ACYP2: variants seen among roughly 807,000 people sequenced by gnomAD.
ACYP2 encodes acylphosphatase-2.
In ACYP2, 12 loss-of-function variants were observed where a neutral mutation model predicts 11.2. The observed-to-expected ratio is 1.08, with a 90% confidence interval of 0.69 to 1.74. The LOEUF (loss-of-function observed/expected upper bound fraction) is 1.74, where lower values mean the gene tolerates loss of function less well. Ranked by LOEUF, ACYP2 falls within the 40% of genes most tolerant of loss-of-function variation. The pLI, the probability that ACYP2 is intolerant of heterozygous loss-of-function variation, is 0.00. For synonymous variants in ACYP2, 43 were observed against 32.2 expected (o/e 1.33, Z -1.13); for missense variants, 134 against 101.9 (o/e 1.31, Z -1.35).
At chr2:54,198,361 G>C (rs1684605950) in intron 6 of ACYP2, among the ~76,000 whole-genome samples, 1 of 152,088 alleles carries the variant, frequency 6.6e-6, no homozygotes, top group Non-Finnish European at 1.5e-5. Context: ...GTGGAGAAAG[G>C]AGTGTGGCAG....
rs921978682 is a variant in ACYP2 at position 53,971,119 on chromosome 2, G to C, written c.-239G>C. 3.8e-5 allele frequency: 9 copies of C among 234,972 alleles called. No individual in the cohort carries two copies. In the Admixed American group the frequency reaches 4.6e-4, roughly 12 times the overall value. 14.6% of individuals were successfully genotyped at this position (234,972 alleles called of 1,614,324 possible). ...CGGCGTCGGGGGAGGCGGTGGTGGCGGCAGCTGGAGCCCAACGGGCTGCGC... is the reference window on the plus strand; with the variant it reads ...CGGCGTCGGGGGAGGCGGTGGTGGCCGCAGCTGGAGCCCAACGGGCTGCGC... On this transcript the variant is annotated 5_prime_UTR_variant, in exon 1 of 7. Transcript: ENST00000607452.
intron 6 of ACYP2, among the ~76,000 whole-genome samples, chr2:54,177,404 G>T (rs1415035421): frequency 6.6e-6 from 1 of 152,044 alleles, no homozygotes; most frequent in African/African-American, 2.4e-5. Context: ...ACTTCCTCTG[G>T]CCCTTTCATG....
At chr2:54,229,433 A>G (rs1558628654) in intron 6 of ACYP2, among the ~76,000 whole-genome samples, 2 of 152,198 alleles carry the variant, frequency 1.3e-5, no homozygotes. Flanking sequence ...ATAATTTGAT[A>G]TGAAATTATT....
intron 2 of ACYP2, among the ~76,000 whole-genome samples, chr2:53,997,149 T>C (rs1324292943): frequency 5.3e-5 from 8 of 152,216 alleles, no homozygotes; most frequent in Non-Finnish European, 1.0e-4. Flanking sequence ...TTCTCTCTTC[T>C]ATCTACCTAT....
intron 6 of ACYP2, chr2:54,141,864 G>T (rs1176530490): frequency 7.9e-6 from 5 of 631,460 alleles, no homozygotes; most frequent in Non-Finnish European, 1.5e-5. Flanking sequence ...TGAGACAAGG[G>T]TCTTGCTCTC....
chr2:54,220,994 G>T (rs948431078), intron 6 of ACYP2, among the ~76,000 whole-genome samples: 1 of 152,190 alleles, frequency 6.6e-6, no homozygotes, highest in Non-Finnish European at 1.5e-5. Flanking sequence ...CATAGGATTT[G>T]CTTTGGTCAG....
intron 2 of ACYP2, among the ~76,000 whole-genome samples, chr2:54,026,884 A>C (rs1374239189): frequency 6.6e-6 from 1 of 151,632 alleles, no homozygotes; most frequent in South Asian, 2.1e-4. Flanking sequence ...AGAATGATAC[A>C]ATGGACTTTA....
At chr2:54,010,075 G>A (rs979907902) in intron 2 of ACYP2, among the ~76,000 whole-genome samples, 3 of 152,140 alleles carry the variant, frequency 2.0e-5, no homozygotes, top group Non-Finnish European at 2.9e-5. Flanking sequence ...AGAGGTTATG[G>A]GTAGGAATGG....
At chr2:54,209,563 C>G (rs1468300291) in intron 6 of ACYP2, among the ~76,000 whole-genome samples, 2 of 152,126 alleles carry the variant, frequency 1.3e-5, no homozygotes, top group Non-Finnish European at 1.5e-5. Context: ...AGAAAATGAC[C>G]TGGAATGGTT....
chr2:53,983,044 A>T (rs1198163423), intron 2 of ACYP2, among the ~76,000 whole-genome samples: 2 of 152,154 alleles, frequency 1.3e-5, no homozygotes, highest in Admixed American at 6.6e-5. Flanking sequence ...CTCACTTCAC[A>T]GGTACTTAGT....
intron 2 of ACYP2, among the ~76,000 whole-genome samples, chr2:54,034,326 G>C (rs1025641546): frequency 6.6e-6 from 1 of 152,108 alleles, no homozygotes; most frequent in Non-Finnish European, 1.5e-5. Flanking sequence ...CCACTGCACT[G>C]CAGCTTGGGC....
chr2:54,065,152 T>TG (rs541529129), intron 4 of ACYP2, among the ~76,000 whole-genome samples: 220 of 152,230 alleles, frequency 1.4e-3, no homozygotes, highest in Non-Finnish European at 2.7e-3. Flanking sequence ...TAGATGATGT[T>TG]GGCTTAGAGT....
intron 2 of ACYP2, among the ~76,000 whole-genome samples, chr2:54,011,909 A>T (rs1673394305): frequency 6.6e-6 from 1 of 152,054 alleles, no homozygotes; most frequent in Non-Finnish European, 1.5e-5. Flanking sequence ...AAGTTTTTTA[A>T]CTTGAACTGT....
At chr2:54,246,564 T>A (rs1686961391) in intron 6 of ACYP2, among the ~76,000 whole-genome samples, 1 of 152,174 alleles carries the variant, frequency 6.6e-6, no homozygotes, top group Non-Finnish European at 1.5e-5. Context: ...ATTGATATAA[T>A]AATTCTCTAT....
intron 2 of ACYP2, among the ~76,000 whole-genome samples, chr2:54,025,428 T>A (rs1004811409): frequency 2.6e-5 from 4 of 152,080 alleles, no homozygotes; most frequent in Non-Finnish European, 2.9e-5. Flanking sequence ...AGCCAAGTAC[T>A]TACAGCCAAC....
chr2:54,120,688 G>A (rs73935068), intron 4 of ACYP2, among the ~76,000 whole-genome samples: 2,137 of 152,274 alleles, frequency 0.014, 56 homozygotes, highest in African/African-American at 0.049. Context: ...AGCAGACTGC[G>A]CTCAGGCTGT....
intron 6 of ACYP2, among the ~76,000 whole-genome samples, chr2:54,269,776 C>A (rs1050605706): frequency 4.6e-5 from 7 of 152,258 alleles, no homozygotes; most frequent in Admixed American, 6.5e-5. Flanking sequence ...CTTGTTCCAC[C>A]TCAATTTTAT....
intron 4 of ACYP2, among the ~76,000 whole-genome samples, chr2:54,075,738 G>T (rs1223898522): frequency 6.6e-6 from 1 of 151,982 alleles, no homozygotes; most frequent in African/African-American, 2.4e-5. Flanking sequence ...ACCTGAACCT[G>T]GGAGGCCGAG....
chr2:53,996,409 T>A (rs1431536913), intron 2 of ACYP2, among the ~76,000 whole-genome samples: 1 of 152,096 alleles, frequency 6.6e-6, no homozygotes. Flanking sequence ...TGATCTGATA[T>A]CTGTGAAAGG....
Sources: allele counts gnomAD v4.1 joint callset (sites outside exome capture counted in the v4.1 genomes callset), GRCh38; gene constraint gnomAD v4.1.1; transcripts MANE v1.5; gene names NCBI Gene and HGNC (gene_info 2026-07-23, HGNC 2026-07-21).